Variants in CCNJL observed in about 807,000 individuals in gnomAD.
CCNJL encodes the protein cyclin-J-like protein.
Under a neutral mutation model 33.4 loss-of-function variants are expected in CCNJL, and 33 were observed. The ratio of observed to expected loss-of-function variants is 0.99; its 90% confidence interval spans 0.75 to 1.32. CCNJL has a LOEUF of 1.32. CCNJL is among the 40% of genes most tolerant of loss of function. CCNJL has a pLI of 0.00. For missense variants in CCNJL, 512 were observed against 499.7 expected (o/e 1.02, Z -0.23); for synonymous variants, 227 against 220.9 (o/e 1.03, Z -0.24).
At position 160,254,150 on chromosome 5, in the gene CCNJL, C is replaced by G. The variant is rs1270275390; in HGVS notation, c.744-352G>C. ...TTACCTGGCTTCCAGGAGGATGGCG[C>G]CTGCTTGTGCTCACCAATGCCTTCC... On this transcript the variant is annotated intron_variant, in intron 5 of 5. Coordinates refer to ENST00000257536, the MANE Select transcript of CCNJL (RefSeq NM_001308173.3). 6.5e-6 allele frequency: 3 copies of G among 465,080 alleles called. No homozygotes were observed. In the Admixed American group the frequency reaches 1.2e-4, roughly 18 times the overall value. The allele number at this position is 465,080 out of a possible 1,614,324, so 28.8% of individuals were successfully genotyped here.
At chr5:160,283,000 T>TATATATATATATATATATATAC (rs1554120765) in intron 2 of CCNJL, among the ~76,000 whole-genome samples, 1 of 56,496 alleles carries the variant, frequency 1.8e-5, no homozygotes, top group Non-Finnish European at 3.1e-5. Context: ...TATATATATA[T>TATATATATATATATATATATAC]ATATATATAC....
At chr5:160,320,850 C>CGTCTTTCTTTCT (rs1763439163) in intron 1 of CCNJL, among the ~76,000 whole-genome samples, 1 of 55,532 alleles carries the variant, frequency 1.8e-5, no homozygotes, top group Admixed American at 2.1e-4. Flanking sequence ...TCTTTCTTTC[C>CGTCTTTCTTTCT]TTCTTTCTTT....
intron 2 of CCNJL, among the ~76,000 whole-genome samples, chr5:160,311,317 T>C (rs1763253748): frequency 6.6e-6 from 1 of 152,146 alleles, no homozygotes; most frequent in African/African-American, 2.4e-5. Flanking sequence ...TCGGTCCCAT[T>C]CTAGATATAC....
intron 3 of CCNJL, among the ~76,000 whole-genome samples, chr5:160,268,417 T>C (rs1206865401): frequency 2.6e-5 from 4 of 152,194 alleles, no homozygotes; most frequent in African/African-American, 7.2e-5. Context: ...GACAAGTAGA[T>C]AGAATTGTGG....
Position 160,259,749 on chromosome 5 carries a change from G to C in CCNJL, c.303C>G (p.Asp101Glu), listed in dbSNP as rs1761237946. 3 of 1,611,140 alleles carry C rather than the reference G, an allele frequency of 1.9e-6. No individual in the cohort carries two copies. Among genetic ancestry groups the C allele is most frequent in the Non-Finnish European group, 2.5e-6 (3 of 1,177,928 alleles). ...TTATTTGCTCCAACTTGGGGACGTG[G>C]TCTTCCCGATCCTCGAACTTACCTG... ...LLASKFEDREDHVPKLEQINS... is the reference protein window; with the variant it reads ...LLASKFEDREEHVPKLEQINS... The change falls in exon 4 of 6, where the codon GAC becomes GAG. Residue 101 changes from aspartate to glutamate, a missense_variant. Coordinates refer to ENST00000257536, the MANE Select transcript of CCNJL (RefSeq NM_001308173.3).
chr5:160,322,352 A>AT (rs1203491691), intron 1 of CCNJL, among the ~76,000 whole-genome samples: 3 of 152,008 alleles, frequency 2.0e-5, no homozygotes, highest in Non-Finnish European at 2.9e-5. Context: ...GTTGGCTTTG[A>AT]TTTTTTTCTA....
At chr5:160,272,851 CAG>C (rs1384286268) in intron 3 of CCNJL, among the ~76,000 whole-genome samples, 20 of 152,172 alleles carry the variant, frequency 1.3e-4, no homozygotes, top group Non-Finnish European at 2.8e-4. Flanking sequence ...ATCTTACAGA[CAG>C]ACTCATGTAA....
chr5:160,334,219 C>T (rs546656914), intron 1 of CCNJL, among the ~76,000 whole-genome samples: 1 of 152,184 alleles, frequency 6.6e-6, no homozygotes, highest in Admixed American at 6.5e-5. Flanking sequence ...CTGTCATGCC[C>T]GTGCTACACA....
chr5:160,253,507 C>T lies in CCNJL; in HGVS notation c.1035G>A (p.Val345=), dbSNP rs371574226. Residue 345 remains valine (V), a synonymous_variant, in exon 6 of 6, where the codon GTG becomes GTA. Transcript: ENST00000257536. ...QPLQPLDMCP[V]PVPASLSMHM... is the part of the protein sequence containing the mutation. ...GCATGCTAAGGGATGCAGGGACGGG[C>T]ACGGGACACATATCCAAGGGCTGCA... is the stretch of plus-strand genomic sequence containing the variant. The T allele has an allele frequency of 4.7e-5, 76 of 1,614,178 alleles. No individual in the cohort carries two copies. The African/African-American group carries it at 6.5e-4, about 14-fold the overall frequency.
At chr5:160,324,233 A>C in intron 1 of CCNJL, among the ~76,000 whole-genome samples, 1 of 152,218 alleles carries the variant, frequency 6.6e-6, no homozygotes, top group African/African-American at 2.4e-5. Flanking sequence ...CATCCTCATC[A>C]ACAATGTTAA....
chr5:160,282,406 G>A (rs1476322884), intron 2 of CCNJL, among the ~76,000 whole-genome samples: 1 of 152,168 alleles, frequency 6.6e-6, no homozygotes, highest in Non-Finnish European at 1.5e-5. Context: ...TTAGGCAATG[G>A]TTTCTTAGAT....
intron 3 of CCNJL, among the ~76,000 whole-genome samples, chr5:160,278,820 T>C (rs182367778): frequency 6.6e-6 from 1 of 152,204 alleles, no homozygotes; most frequent in Non-Finnish European, 1.5e-5. Context: ...AAATTTCTCC[T>C]GTGCTGCTTG....
upstream of CCNJL, chr5:160,312,834 G>T (rs949592257): frequency 4.6e-5 from 7 of 152,272 alleles, no homozygotes; most frequent in African/African-American, 1.7e-4. Flanking sequence ...CGCACCACGC[G>T]TGAAACGTGC....
rs538199149 is a variant in CCNJL, at chr5:160,293,578, C to T, written c.67-12840G>A. Among the ~76,000 whole-genome samples, 298 of 152,264 alleles carry T rather than the reference C, an allele frequency of 2.0e-3. 3 individuals carry two copies. The highest frequency in any genetic ancestry group is 6.7e-3 in the African/African-American group (278 of 41,544). On this transcript the variant is annotated intron_variant, in intron 2 of 5. Coordinates refer to ENST00000257536, the MANE Select transcript of CCNJL (RefSeq NM_001308173.3). ...GTACACATGTCGGCATGCGCATGTC[C>T]GGTCCTGTTTCTCTGTGCGCACGCA...
chr5:160,302,034 G>C (rs926826822), intron 2 of CCNJL, among the ~76,000 whole-genome samples: 1 of 152,008 alleles, frequency 6.6e-6, no homozygotes, highest in Non-Finnish European at 1.5e-5. Flanking sequence ...CTGGCCTTAT[G>C]TCTTGATTAT....
intron 3 of CCNJL, among the ~76,000 whole-genome samples, chr5:160,271,784 G>GT (rs1378427296): frequency 1.3e-5 from 2 of 152,240 alleles, no homozygotes; most frequent in African/African-American, 4.8e-5. Context: ...CACATCAAAT[G>GT]TAAGACCTGT....
intron 2 of CCNJL, among the ~76,000 whole-genome samples, chr5:160,281,606 A>G (rs1216079787): frequency 6.6e-6 from 1 of 152,148 alleles, no homozygotes; most frequent in Admixed American, 6.5e-5. Context: ...AGTATCTCTC[A>G]TATTTACCGT....
intron 2 of CCNJL, among the ~76,000 whole-genome samples, chr5:160,303,698 G>GTC (rs1246853444): frequency 2.2e-4 from 20 of 90,330 alleles, no homozygotes; most frequent in African/African-American, 8.7e-4. Context: ...TCCTCTGTGT[G>GTC]TCTGTGTGTG....
chr5:160,267,426 C>G (rs1761646319), intron 3 of CCNJL, among the ~76,000 whole-genome samples: 1 of 152,154 alleles, frequency 6.6e-6, no homozygotes, highest in South Asian at 2.1e-4. Flanking sequence ...GGGAACAAAT[C>G]TGTCTTGCAG....
Sources: allele counts gnomAD v4.1 joint callset (sites outside exome capture counted in the v4.1 genomes callset), GRCh38; gene constraint gnomAD v4.1.1; transcripts MANE v1.5; gene names NCBI Gene and HGNC (gene_info 2026-07-23, HGNC 2026-07-21).